The following NDE1 variants were observed in gnomAD, a reference collection of about 807,000 sequenced individuals.
NDE1 encodes nuclear distribution protein nudE homolog 1.
A neutral mutation model predicts 43.4 loss-of-function variants in NDE1; 28 were observed. The ratio of observed to expected loss-of-function variants is 0.65; its 90% CI spans 0.48 to 0.89. NDE1 has a LOEUF of 0.89. Ranked by LOEUF, NDE1 falls within the 40% of genes least tolerant of loss-of-function variation. The pLI is 0.00. For missense variants in NDE1, 441 were observed against 434.1 expected, an observed-to-expected ratio of 1.02 and a Z score of -0.14; for synonymous variants, 184 against 172.0, an observed-to-expected ratio of 1.07 and a Z score of -0.55.
intron 8 of NDE1, among the ~76,000 whole-genome samples, chr16:15,710,539 AAAG>A (rs910847655): frequency 1.1e-4 from 17 of 151,964 alleles, no homozygotes; most frequent in African/African-American, 3.6e-4. Context: ...AATAAAAAGA[AAAG>A]AAATCACTGG....
At chr16:15,718,022 CA>C (rs1307355578) in intron 8 of NDE1, 32 of 507,542 alleles carry the variant, frequency 6.3e-5, no homozygotes, top group Middle Eastern at 1.1e-3. Flanking sequence ...GGGGAAAACG[CA>C]ATGAAAGAGC....
At chr16:15,672,481 C>G (rs900044292) in intron 3 of NDE1, among the ~76,000 whole-genome samples, 1 of 152,124 alleles carries the variant, frequency 6.6e-6, no homozygotes, top group East Asian at 1.9e-4. Flanking sequence ...GAGGACCCTG[C>G]CACCAGCAAG....
At chr16:15,719,588 T>C (rs2040356965) in intron 8 of NDE1, 1 of 1,614,054 alleles carries the variant, frequency 6.2e-7, no homozygotes, top group African/African-American at 1.3e-5. Flanking sequence ...GCTTTACCTC[T>C]TGTAGCTGCA....
chr16:15,685,676 T>TG (rs2038402590), intron 4 of NDE1, among the ~76,000 whole-genome samples: 1 of 152,148 alleles, frequency 6.6e-6, no homozygotes, highest in South Asian at 2.1e-4. Context: ...AATGAACTGA[T>TG]GCAGCCATTA....
intron 1 of NDE1, among the ~76,000 whole-genome samples, chr16:15,652,901 A>G (rs1448082424): frequency 6.6e-6 from 1 of 152,094 alleles, no homozygotes; most frequent in Non-Finnish European, 1.5e-5. Context: ...CCTGGGTTCA[A>G]GCGATCCTTC....
At position 15,725,092 on chromosome 16, in the gene NDE1, G is replaced by T; in HGVS notation, c.*841G>T. On this transcript the variant is annotated 3_prime_UTR_variant, in exon 9 of 9. Coordinates refer to ENST00000396354, the MANE Select transcript of NDE1 (RefSeq NM_017668.3). ...AAACACATGGGCTAGTACTTGAGGTGTTCACTGATTGAGAAAATACCCGTG... is the reference window on the plus strand; with the variant it reads ...AAACACATGGGCTAGTACTTGAGGTTTTCACTGATTGAGAAAATACCCGTG... The T allele has an allele frequency of 2.2e-6, 2 of 902,294 alleles. No individual in the cohort carries two copies. Among genetic ancestry groups the T allele is most frequent in the Non-Finnish European group, 1.8e-6 (1 of 567,936 alleles). The allele number at this position is 902,294 out of a possible 1,614,324, so 55.9% of individuals were successfully genotyped here. A position where few individuals can be genotyped will look rare whatever the true frequency, so the allele number is the denominator to read the frequency against.
intron 6 of NDE1, among the ~76,000 whole-genome samples, chr16:15,693,697 T>C (rs532866873): frequency 2.6e-5 from 4 of 152,108 alleles, no homozygotes; most frequent in Non-Finnish European, 5.9e-5. Context: ...CCCAGCACTT[T>C]TGGAGGCCAA....
intron 1 of NDE1, among the ~76,000 whole-genome samples, chr16:15,663,433 G>T (rs545507745): frequency 3.7e-4 from 56 of 151,662 alleles, no homozygotes; most frequent in Non-Finnish European, 6.5e-4. Flanking sequence ...TAGTAGAGAC[G>T]GAGTTTCACC....
upstream of NDE1, among the ~76,000 whole-genome samples, chr16:15,645,545 G>T (rs538473712): frequency 1.3e-5 from 2 of 152,298 alleles, no homozygotes; most frequent in East Asian, 1.9e-4. Flanking sequence ...ACTTTTAAAA[G>T]AAATGTAATT....
chr16:15,718,874 T>G (rs2040314599), intron 8 of NDE1: 1 of 414,334 alleles, frequency 2.4e-6, no homozygotes, highest in Non-Finnish European at 4.5e-6. Context: ...ACACCTGTAA[T>G]CACAGCACTT....
At chr16:15,722,516 C>G (rs968626735) in intron 8 of NDE1, among the ~76,000 whole-genome samples, 12 of 152,230 alleles carry the variant, frequency 7.9e-5, no homozygotes, top group Admixed American at 5.2e-4. Flanking sequence ...AAATCCCACA[C>G]TATGTGTGCC....
In NDE1 at chr16:15,691,224, A is replaced by G. The variant is rs576090064; in HGVS notation, c.604A>G (p.Thr202Ala). 6 of 1,614,118 alleles carry G rather than the reference A, an allele frequency of 3.7e-6. No homozygotes were observed. The East Asian group carries it at 1.3e-4, about 36-fold the overall frequency. ...PMPSSVEAER[T>A]DTAVQATGSV... ...GCCCAGCTCAGTGGAAGCTGAGAGG[A>G]CAGACACAGCTGTGCAGGCCACGGG... The change falls in exon 6 of 9, where the codon ACA becomes GCA. Residue 202 changes from threonine to alanine, a missense_variant. Physicochemically the swap from Thr to Ala is moderately conservative, Grantham distance 58. Transcript: ENST00000396354.
intron 2 of NDE1, among the ~76,000 whole-genome samples, chr16:15,666,806 T>A (rs1567626809): frequency 6.6e-6 from 1 of 152,090 alleles, no homozygotes; most frequent in Non-Finnish European, 1.5e-5. Flanking sequence ...CACATTTCTG[T>A]AGAGATGAGG....
intron 3 of NDE1, among the ~76,000 whole-genome samples, chr16:15,669,360 ATT>A (rs1187758200): frequency 1.8e-4 from 23 of 125,532 alleles, no homozygotes; most frequent in Admixed American, 4.9e-4. Flanking sequence ...CGCCTGGCTA[ATT>A]TTTTTTTTTT....
chr16:15,692,711 C>T (rs1336070303), intron 6 of NDE1, among the ~76,000 whole-genome samples: 2 of 151,790 alleles, frequency 1.3e-5, no homozygotes, highest in Admixed American at 6.6e-5. Flanking sequence ...TGCCTAGCCC[C>T]AGTCTAGAGC....
At chr16:15,699,807 C>CAAGATGTT (rs2039166000) in intron 8 of NDE1, 4 of 1,351,200 alleles carry the variant, frequency 3.0e-6, no homozygotes, top group Non-Finnish European at 3.9e-6. Context: ...AGGGGGTAGT[C>CAAGATGTT]AAGATGTTGC....
chr16:15,645,677 A>G (rs1452573673), upstream of NDE1, among the ~76,000 whole-genome samples: 1 of 152,216 alleles, frequency 6.6e-6, no homozygotes, highest in Non-Finnish European at 1.5e-5. Flanking sequence ...TCCTCTATTA[A>G]TTGTATTCCT....
chr16:15,724,036 C>G, intron 8 of NDE1, 155 bp from the exon 9 acceptor site: 1 of 1,522,016 alleles, frequency 6.6e-7, no homozygotes, highest in South Asian at 1.1e-5. Context: ...AGACAGCCTC[C>G]CATGGCTCCC....
Position 15,725,602 on chromosome 16 carries a change from G to T in NDE1, c.*1351G>T, listed in dbSNP as rs2040714774. On this transcript the variant is annotated 3_prime_UTR_variant, in exon 9 of 9. Coordinates refer to ENST00000396354, the MANE Select transcript of NDE1 (RefSeq NM_017668.3). ...CCCCTCCATCTCTTCCATTGACAAG[G>T]AGGATATGAATGATCTTGACACTGC... 2.5e-6 allele frequency: 1 copy of T among 406,106 alleles called. No homozygotes were observed. The highest frequency in any genetic ancestry group is 1.1e-4 in the South Asian group (1 of 8,862). The allele number at this position is 406,106 out of a possible 1,614,324, so 25.2% of individuals were successfully genotyped here. A position where few individuals can be genotyped will look rare whatever the true frequency, so the allele number is the denominator to read the frequency against.
Sources: gnomAD v4.1 joint callset for allele counts (sites outside exome capture counted in the v4.1 genomes callset) on GRCh38, gnomAD v4.1.1 for gene constraint, MANE v1.5 for transcripts, NCBI Gene and HGNC (gene_info 2026-07-23, HGNC 2026-07-21) for gene names.